FHIT: variants seen among roughly 807,000 people sequenced by gnomAD.
FHIT encodes bis(5'-adenosyl)-triphosphatase.
A neutral mutation model predicts 17.9 loss-of-function variants in FHIT; 19 were observed. The observed-to-expected ratio is 1.06, with a 90% confidence interval of 0.74 to 1.56. The LOEUF (loss-of-function observed/expected upper bound fraction) is 1.56. Ranked by LOEUF, FHIT falls within the 40% of genes most tolerant of loss-of-function variation. The pLI, the probability that FHIT is intolerant of heterozygous loss-of-function variation, is 0.00. For missense variants in FHIT, 248 were observed against 189.2 expected, an observed-to-expected ratio of 1.31 and a Z score of -1.82; for synonymous variants, 81 against 69.7, an observed-to-expected ratio of 1.16 and a Z score of -0.81.
chr3:60,701,999 C>G lies in FHIT; in HGVS notation c.-18+119920G>C, dbSNP rs146408346. Among the ~76,000 whole-genome samples the G allele has an allele frequency of 4.4e-4, 67 of 152,200 alleles. 1 individual carries two copies. Among genetic ancestry groups the G allele is most frequent in the African/African-American group, 1.6e-3 (65 of 41,544 alleles). On this transcript the variant is annotated intron_variant, in intron 4 of 9. Transcript: ENST00000492590. ...TAATTTTCTCAGTTATAATTTTTGC[C>G]AAGGTGGTTTCGCCACCATGCCTTG...
At chr3:60,531,027 T>C (rs2035758283) in intron 5 of FHIT, among the ~76,000 whole-genome samples, 1 of 152,154 alleles carries the variant, frequency 6.6e-6, no homozygotes, top group African/African-American at 2.4e-5. Flanking sequence ...ATCTGCCAAA[T>C]GAAGTCAAGA....
At chr3:60,128,667 A>G (rs1559658304) in intron 5 of FHIT, among the ~76,000 whole-genome samples, 1 of 152,240 alleles carries the variant, frequency 6.6e-6, no homozygotes, top group Non-Finnish European at 1.5e-5. Flanking sequence ...TTACTCTGCA[A>G]CCAACTGATC....
chr3:60,954,670 A>G (rs1309185777), intron 3 of FHIT, among the ~76,000 whole-genome samples: 1 of 152,228 alleles, frequency 6.6e-6, no homozygotes, highest in Non-Finnish European at 1.5e-5. Context: ...AAATTATCAG[A>G]ATCTAACCAT....
Position 61,140,082 on chromosome 3 carries a change from T to C in FHIT, c.-164+60535A>G, listed in dbSNP as rs534697936. Among the ~76,000 whole-genome samples, 8 of 151,326 alleles carry C rather than the reference T, an allele frequency of 5.3e-5. No individual in the cohort carries two copies. In the South Asian group the frequency reaches 1.5e-3, roughly 28 times the overall value. The stretch of plus-strand genomic sequence containing the variant: ...ATTAAAGCATAAAGGTCAAGAGCAC[T>C]TTGGGGGCAGCCAGCCCTAGGTCAA... On this transcript the variant is annotated intron_variant, in intron 2 of 9. Transcript: ENST00000492590.
chr3:60,264,681 G>C lies in FHIT; in HGVS notation c.104-250529C>G, dbSNP rs577574905. Among the ~76,000 whole-genome samples, 16 of 151,996 alleles carry C rather than the reference G, an allele frequency of 1.1e-4. No individual in the cohort carries two copies. The East Asian group carries it at 2.9e-3, about 28-fold the overall frequency. ...TGCTAGGAATGGCTTCAAAACCCAG[G>C]GAGTTGAATGTGGACTCTCCTTTTC... On this transcript the variant is annotated intron_variant, in intron 5 of 9. Transcript: ENST00000492590.
chr3:60,395,650 G>T (rs138962383), intron 5 of FHIT, among the ~76,000 whole-genome samples: 23 of 152,116 alleles, frequency 1.5e-4, no homozygotes, highest in Non-Finnish European at 2.5e-4. Flanking sequence ...AAGGAAGAAA[G>T]AAAGGGGCCT....
At chr3:60,379,122 A>C (rs1165803252) in intron 5 of FHIT, among the ~76,000 whole-genome samples, 1 of 152,222 alleles carries the variant, frequency 6.6e-6, no homozygotes, top group African/African-American at 2.4e-5. Flanking sequence ...AGAACCGCTA[A>C]AGGTTAATTG....
At chr3:60,357,682 T>G (rs1268878563) in intron 5 of FHIT, among the ~76,000 whole-genome samples, 1 of 152,202 alleles carries the variant, frequency 6.6e-6, no homozygotes, top group Non-Finnish European at 1.5e-5. Flanking sequence ...ATTCTGTGGA[T>G]GTTGTACTTA....
intron 5 of FHIT, among the ~76,000 whole-genome samples, chr3:60,032,277 T>C (rs1317422382): frequency 1.3e-5 from 2 of 151,924 alleles, no homozygotes; most frequent in Non-Finnish European, 2.9e-5. Context: ...CTGGGCAAAG[T>C]AGTGAGACCC....
At chr3:59,989,531 C>A (rs766701505) in intron 7 of FHIT, among the ~76,000 whole-genome samples, 1 of 152,036 alleles carries the variant, frequency 6.6e-6, no homozygotes, top group Non-Finnish European at 1.5e-5. Flanking sequence ...CACAGGGTCT[C>A]TGAGGGCTGG....
chr3:59,883,015 C>T (rs56296352), intron 8 of FHIT, among the ~76,000 whole-genome samples: 3,860 of 152,132 alleles, frequency 0.025, 50 homozygotes, highest in South Asian at 0.063. Flanking sequence ...CCAAATTTTC[C>T]GGGTCTCCTG....
chr3:60,310,235 T>C (rs1256789062), intron 5 of FHIT, among the ~76,000 whole-genome samples: 1 of 152,186 alleles, frequency 6.6e-6, no homozygotes, highest in Non-Finnish European at 1.5e-5. Flanking sequence ...GACCCACCAG[T>C]ATGTCCAAAC....
chr3:60,492,272 C>G (rs1004520881), intron 5 of FHIT, among the ~76,000 whole-genome samples: 35 of 152,154 alleles, frequency 2.3e-4, no homozygotes, highest in African/African-American at 8.0e-4. Flanking sequence ...TACAAACATT[C>G]AGCATTTAAA....
intron 7 of FHIT, among the ~76,000 whole-genome samples, chr3:59,938,113 C>T (rs62238351): frequency 0.08 from 12,128 of 152,162 alleles, 582 homozygotes; most frequent in South Asian, 0.13. Flanking sequence ...ATGTCCACTG[C>T]AGCATTATCT....
intron 5 of FHIT, among the ~76,000 whole-genome samples, chr3:60,058,850 A>G (rs939508061): frequency 5.9e-5 from 9 of 152,222 alleles, no homozygotes; most frequent in South Asian, 2.1e-4. Flanking sequence ...ATAAAATACA[A>G]CAAAATATTA....
chr3:59,913,004 G>C (rs1031611123), intron 8 of FHIT, among the ~76,000 whole-genome samples: 13 of 152,196 alleles, frequency 8.5e-5, no homozygotes, highest in African/African-American at 2.9e-4. Flanking sequence ...AGAGCATGTT[G>C]ATGACTTCCT....
intron 4 of FHIT, among the ~76,000 whole-genome samples, chr3:60,671,352 C>T (rs1229738691): frequency 6.6e-6 from 1 of 152,054 alleles, no homozygotes; most frequent in Non-Finnish European, 1.5e-5. Context: ...TTCCAAAATA[C>T]ACACATACAC....
In FHIT at chr3:60,327,907, C is replaced by T. The variant is rs141114837; in HGVS notation, c.103+208953G>A. ...AAACAAGAAGGGAGGTGGAGGCACT[C>T]AGACAAGAGCAAGAGCAGGAGGTCA... On this transcript the variant is annotated intron_variant, in intron 5 of 9. Transcript: ENST00000492590. Among the ~76,000 whole-genome samples the T allele has an allele frequency of 2.9e-3, 444 of 152,226 alleles. 2 individuals are homozygous for T. Among genetic ancestry groups the T allele is most frequent in the Admixed American group, 5.2e-3 (80 of 15,296 alleles).
At chr3:60,747,638 T>C (rs2042385383) in intron 4 of FHIT, among the ~76,000 whole-genome samples, 1 of 152,008 alleles carries the variant, frequency 6.6e-6, no homozygotes, top group Admixed American at 6.6e-5. Context: ...ACAAAGCAGG[T>C]ATTTAGAGAA....
Sources: gnomAD v4.1 joint callset for allele counts (sites outside exome capture counted in the v4.1 genomes callset) on GRCh38, gnomAD v4.1.1 for gene constraint, MANE v1.5 for transcripts, NCBI Gene and HGNC (gene_info 2026-07-23, HGNC 2026-07-21) for gene names.